The following COG5 variants were observed in gnomAD, a reference collection of about 807,000 sequenced individuals.
COG5 encodes conserved oligomeric Golgi complex subunit 5.
Under a neutral mutation model 110.4 loss-of-function variants are expected in COG5, and 86 were observed. The observed-to-expected ratio is 0.78, with a 90% confidence interval of 0.65 to 0.93. COG5 has a LOEUF of 0.93. COG5 is among the 40% of genes least tolerant of loss of function. The pLI, the probability that COG5 is intolerant of heterozygous loss-of-function variation, is 0.00. For synonymous variants in COG5, 360 were observed against 334.6 expected (o/e 1.08, Z -0.83); for missense variants, 1,077 against 987.0 (o/e 1.09, Z -1.22).
intron 16 of COG5, among the ~76,000 whole-genome samples, chr7:107,255,427 T>C (rs1802813195): frequency 6.6e-6 from 1 of 152,138 alleles, no homozygotes; most frequent in Non-Finnish European, 1.5e-5. Context: ...TTTAGTGTCC[T>C]TACATTTTGG....
At chr7:107,296,955 C>A (rs1189014272) in intron 12 of COG5, among the ~76,000 whole-genome samples, 1 of 152,160 alleles carries the variant, frequency 6.6e-6, no homozygotes, top group Non-Finnish European at 1.5e-5. Flanking sequence ...AAGCCAATCA[C>A]TTGATCTGAT....
chr7:107,494,956 A>C (rs952914985), intron 6 of COG5, among the ~76,000 whole-genome samples: 12 of 152,146 alleles, frequency 7.9e-5, no homozygotes, highest in South Asian at 6.2e-4. Flanking sequence ...GAGCCACAGG[A>C]GCAAGACCAA....
chr7:107,415,277 A>G (rs1792638731), intron 6 of COG5, among the ~76,000 whole-genome samples: 1 of 152,200 alleles, frequency 6.6e-6, no homozygotes, highest in African/African-American at 2.4e-5. Flanking sequence ...GAAGTTAAAA[A>G]TTAAAAAGTG....
chr7:107,501,156 A>C (rs1798606303), intron 6 of COG5, among the ~76,000 whole-genome samples: 1 of 152,110 alleles, frequency 6.6e-6, no homozygotes, highest in Non-Finnish European at 1.5e-5. Context: ...TTAAAGGAAC[A>C]GTCAACAATA....
chr7:107,391,781 C>T (rs1790641152), intron 7 of COG5, among the ~76,000 whole-genome samples: 1 of 152,040 alleles, frequency 6.6e-6, no homozygotes, highest in African/African-American at 2.4e-5. Context: ...TTACATCATC[C>T]CTGAAAGTCA....
chr7:107,278,432 G>T (rs545175474), intron 14 of COG5, among the ~76,000 whole-genome samples: 1 of 151,738 alleles, frequency 6.6e-6, no homozygotes, highest in East Asian at 1.9e-4. Flanking sequence ...CCTCCCACCC[G>T]CCAACAGGCC....
chr7:107,414,590 CTAGTTTATTA>C lies in COG5; in HGVS notation c.539-1968_539-1959del, dbSNP rs149980794. On this transcript the variant is annotated intron_variant, in intron 6 of 21. Coordinates refer to ENST00000297135, the MANE Select transcript of COG5 (RefSeq NM_006348.5). ...ACCGGAATAAATGTTCTGGTTTATTCTAGTTTATTATAGTTGCCCTTCCATTCATGAACCT... is the reference window on the plus strand; with the variant it reads ...ACCGGAATAAATGTTCTGGTTTATTCTAGTTGCCCTTCCATTCATGAACCT... Among the ~76,000 whole-genome samples the C allele has an allele frequency of 7.1e-3, 1,068 of 150,394 alleles. 19 individuals carry two copies. In the East Asian group the frequency reaches 0.076, roughly 11 times the overall value.
At chr7:107,378,418 T>G (rs1462860915) in intron 7 of COG5, among the ~76,000 whole-genome samples, 1 of 152,068 alleles carries the variant, frequency 6.6e-6, no homozygotes, top group Admixed American at 6.5e-5. Context: ...GGATGGAGAA[T>G]GAGTTTGATG....
At chr7:107,472,943 G>A (rs190259561) in intron 6 of COG5, 1 of 151,818 alleles carries the variant, frequency 6.6e-6, no homozygotes, top group Admixed American at 6.6e-5. Context: ...CAGAACATTA[G>A]ACATTATTTT....
intron 15 of COG5, among the ~76,000 whole-genome samples, chr7:107,257,341 T>G: frequency 6.6e-6 from 1 of 152,100 alleles, no homozygotes. Context: ...TTTTTAATAA[T>G]TTTTACCCTT....
chr7:107,219,818 G>A (rs941905842), intron 19 of COG5, among the ~76,000 whole-genome samples: 1 of 152,182 alleles, frequency 6.6e-6, no homozygotes, highest in African/African-American at 2.4e-5. Flanking sequence ...ATTGCTAATA[G>A]AATAAATTTC....
intron 5 of COG5, among the ~76,000 whole-genome samples, chr7:107,543,683 C>T (rs536733408): frequency 1.3e-5 from 2 of 152,246 alleles, no homozygotes; most frequent in East Asian, 3.9e-4. Flanking sequence ...CAAGTGGCCC[C>T]AAACACCAGG....
At chr7:107,219,185 G>C (rs181898931) in intron 19 of COG5, among the ~76,000 whole-genome samples, 2 of 152,158 alleles carry the variant, frequency 1.3e-5, no homozygotes, top group Admixed American at 1.3e-4. Context: ...TTAAAAAAAT[G>C]AAAGATTGTG....
rs530323655 is a variant in COG5, at chr7:107,414,703, C to CTTTTTTTTTTTTTTTTTTT, written c.539-2090_539-2072dup. Among the ~76,000 whole-genome samples the CTTTTTTTTTTTTTTTTTTT allele has an allele frequency of 9.7e-5, 6 of 61,716 alleles. 2 individuals carry two copies. Among genetic ancestry groups the CTTTTTTTTTTTTTTTTTTT allele is most frequent in the East Asian group, 4.0e-4 (1 of 2,490 alleles). 40.5% of individuals were successfully genotyped at this position (61,716 alleles called of 152,430 possible). On this transcript the variant is annotated intron_variant, in intron 6 of 21. Coordinates refer to ENST00000297135, the MANE Select transcript of COG5 (RefSeq NM_006348.5). ...ATTGATTCCAAAATCCTCACTGTCC[C>CTTTTTTTTTTTTTTTTTTT]TTTTTTTTTTTTTTTTTTTTTTTTT...
chr7:107,534,521 T>G (rs974470198), intron 5 of COG5, among the ~76,000 whole-genome samples: 1 of 148,270 alleles, frequency 6.7e-6, no homozygotes, highest in Non-Finnish European at 1.5e-5. Context: ...GTTGCAATCC[T>G]AGTCTCTGAC....
chr7:107,455,710 A>AT (rs371417468), intron 6 of COG5, among the ~76,000 whole-genome samples: 1 of 152,032 alleles, frequency 6.6e-6, no homozygotes, highest in Non-Finnish European at 1.5e-5. Context: ...ATAGTTTATG[A>AT]TTTTTTTCTC....
At chr7:107,354,675 TCAACAA>T (rs561856411) in intron 10 of COG5, among the ~76,000 whole-genome samples, 3 of 152,068 alleles carry the variant, frequency 2.0e-5, no homozygotes, top group African/African-American at 4.8e-5. Flanking sequence ...AGACTCCGTC[TCAACAA>T]CAACAACAAC....
chr7:107,347,600 A>G (rs1019763596), intron 10 of COG5, among the ~76,000 whole-genome samples: 2 of 152,234 alleles, frequency 1.3e-5, no homozygotes, highest in Non-Finnish European at 2.9e-5. Context: ...TTCCCAACAC[A>G]AAGAAATGAT....
At chr7:107,377,840 A>C (rs1814760064) in intron 7 of COG5, among the ~76,000 whole-genome samples, 2 of 152,168 alleles carry the variant, frequency 1.3e-5, no homozygotes, top group African/African-American at 4.8e-5. Flanking sequence ...GGGACAGAGC[A>C]CCTGGGGGAA....
Sources: allele counts gnomAD v4.1 joint callset (sites outside exome capture counted in the v4.1 genomes callset), GRCh38; gene constraint gnomAD v4.1.1; transcripts MANE v1.5; gene names NCBI Gene and HGNC (gene_info 2026-07-23, HGNC 2026-07-21).